The following RYR2 variants were observed in gnomAD, a reference collection of about 807,000 sequenced individuals.
The protein encoded by RYR2 is ryanodine receptor 2.
Under a neutral mutation model 601.1 loss-of-function variants are expected in RYR2, and 227 were observed. That is an observed-to-expected ratio of 0.38 (90% CI 0.34 to 0.42). RYR2 has a LOEUF of 0.42. Among genes scored for constraint, RYR2 ranks in the 10% least tolerant of loss-of-function variants. The pLI is 1.00. For synonymous variants in RYR2, 2,223 were observed against 2,175.1 expected, an observed-to-expected ratio of 1.02 and a Z score of -0.61; for missense variants, 4,646 against 6,156.5, an observed-to-expected ratio of 0.75 and a Z score of 8.21.
chr1:237,674,311 T>G, intron 59 of RYR2, 92 bp downstream of exon 59: 1 of 1,010,688 alleles, frequency 9.9e-7, no homozygotes, highest in Non-Finnish European at 1.5e-6. Context: ...ATGAATTCAA[T>G]GATCTGTTTA....
At chr1:237,047,264 A>G (rs1400020771) in intron 1 of RYR2, among the ~76,000 whole-genome samples, 1 of 152,146 alleles carries the variant, frequency 6.6e-6, no homozygotes. Context: ...TCTGTCTCCA[A>G]ATCTGTCCTC....
chr1:237,349,393 C>T (rs542367439), intron 3 of RYR2, among the ~76,000 whole-genome samples: 9 of 152,012 alleles, frequency 5.9e-5, no homozygotes, highest in African/African-American at 1.2e-4. Context: ...CATTTCCAGA[C>T]GCATACAAAT....
intron 1 of RYR2, among the ~76,000 whole-genome samples, chr1:237,044,438 G>T (rs1274166253): frequency 6.6e-6 from 1 of 152,132 alleles, no homozygotes; most frequent in Non-Finnish European, 1.5e-5. Flanking sequence ...GAACGTGCTG[G>T]CTGATGAGGT....
At chr1:237,403,887 A>G (rs1449856638) in intron 10 of RYR2, among the ~76,000 whole-genome samples, 1 of 152,252 alleles carries the variant, frequency 6.6e-6, no homozygotes, top group African/African-American at 2.4e-5. Context: ...TACGAGAGTT[A>G]AATCAGAGGA....
chr1:237,706,998 T>C lies in RYR2; in HGVS notation c.9630T>C (p.Ser3210=). ...NVEDVCPNIP[S]LEKLMEEIVE... ...AAGATGTTTGTCCAAACATACCGTC[T>C]TTGGAGAAACTCATGGAAGAAATCG... is the stretch of plus-strand genomic sequence containing the variant. The change falls in exon 68 of 105, where the codon TCT becomes TCC. Residue 3210 remains serine (S), a synonymous_variant. Coordinates refer to ENST00000366574, the MANE Select transcript of RYR2 (RefSeq NM_001035.3). 6.2e-7 allele frequency: 1 copy of C among 1,613,972 alleles called. No individual in the cohort carries two copies. Among genetic ancestry groups the C allele is most frequent in the Admixed American group, 1.7e-5 (1 of 60,020 alleles).
rs896558088 is a variant in RYR2 at position 237,180,893 on chromosome 1, CA to C, written c.49-89602del. ...AATATATTTGATTATATAATTATAA[CA>C]ATAAATATATAACTAATAATATACT... On this transcript the variant is annotated intron_variant, in intron 1 of 104. Transcript: ENST00000366574. The surrounding 1 kb of genome is among the most constrained non-coding windows in gnomAD (Gnocchi z 5.3). Among the ~76,000 whole-genome samples the C allele has an allele frequency of 3.0e-4, 45 of 148,346 alleles. No individual in the cohort carries two copies. Among genetic ancestry groups the C allele is most frequent in the African/African-American group, 1.1e-3 (43 of 40,772 alleles).
intron 101 of RYR2, among the ~76,000 whole-genome samples, chr1:237,820,405 C>G (rs1449171909): frequency 6.6e-6 from 1 of 152,062 alleles, no homozygotes; most frequent in Non-Finnish European, 1.5e-5. Context: ...TCATCTCACC[C>G]AGGAAGCACA....
chr1:237,649,855 C>T, intron 49 of RYR2, 22 bp from the exon 50 acceptor site: 1 of 1,608,360 alleles, frequency 6.2e-7, no homozygotes, highest in Middle Eastern at 1.9e-4. Flanking sequence ...AAATGGCCTT[C>T]TACTCTCTGA....
At chr1:237,721,229 A>G (rs990841117) in intron 73 of RYR2, among the ~76,000 whole-genome samples, 2 of 152,074 alleles carry the variant, frequency 1.3e-5, no homozygotes, top group African/African-American at 4.8e-5. Context: ...ACAGATTAAA[A>G]CCTGTAAGTA....
chr1:237,741,083 A>G (rs567026801), intron 79 of RYR2, among the ~76,000 whole-genome samples: 1 of 152,262 alleles, frequency 6.6e-6, no homozygotes, highest in East Asian at 1.9e-4. Flanking sequence ...AGTTTAACAT[A>G]TTACCCAGAC....
rs1371322770 is a variant in RYR2, at chr1:237,511,758, A to G, written c.2789A>G (p.Asn930Ser). 5 of 1,547,128 alleles carry G rather than the reference A, an allele frequency of 3.2e-6. No individual in the cohort carries two copies. The highest frequency in any genetic ancestry group is 4.4e-6 in the Non-Finnish European group (5 of 1,139,948). The change falls in exon 24 of 105, where the codon AAT becomes AGT. Residue 930 changes from asparagine (N) to serine (S), a missense_variant. By Grantham distance (46) the Asn-to-Ser change is conservative. Around this residue, in one of 17 missense-constraint regions of RYR2, gnomAD observed 1,807 missense variants for 2,088.1 expected, o/e 0.87. Transcript: ENST00000366574. ...TCCAAGCTGCCTGAACAGGAGCGCA[A>G]TTACAACTTACAAATGTCGCTTGAG... ...EFSKLPEQER[N>S]YNLQMSLETL...
chr1:237,435,725 C>T (rs914520769), intron 12 of RYR2, among the ~76,000 whole-genome samples: 3 of 152,034 alleles, frequency 2.0e-5, no homozygotes, highest in African/African-American at 7.2e-5. Context: ...AAGTGGTTGT[C>T]TCAGGAAAAA....
chr1:237,698,221 T>A (rs1463189997), intron 63 of RYR2, among the ~76,000 whole-genome samples: 6 of 151,960 alleles, frequency 3.9e-5, no homozygotes, highest in Non-Finnish European at 8.8e-5. Context: ...AATTCATCAT[T>A]TTATTTGCTT....
chr1:237,812,503 G>A (rs1405156475), intron 100 of RYR2, among the ~76,000 whole-genome samples: 1 of 152,174 alleles, frequency 6.6e-6, no homozygotes, highest in East Asian at 1.9e-4. Context: ...TACAAAAATA[G>A]TGGATTCAAC....
At chr1:237,643,624 T>G (rs1296664289) in intron 48 of RYR2, among the ~76,000 whole-genome samples, 177 bp downstream of exon 48, 1 of 151,664 alleles carries the variant, frequency 6.6e-6, no homozygotes, top group Admixed American at 6.6e-5. Context: ...TTTTCCTTTT[T>G]TTTTTTGAAT....
chr1:237,301,169 A>C (rs944283017), intron 2 of RYR2, among the ~76,000 whole-genome samples: 3 of 152,138 alleles, frequency 2.0e-5, no homozygotes, highest in African/African-American at 7.2e-5. Context: ...GACTTTAAAA[A>C]CCACAATCTC....
chr1:237,581,765 G>A (rs932798037), intron 29 of RYR2, among the ~76,000 whole-genome samples: 1 of 152,190 alleles, frequency 6.6e-6, no homozygotes, highest in African/African-American at 2.4e-5. Context: ...AGCATCCTCT[G>A]TGCAACCTGC....
intron 1 of RYR2, among the ~76,000 whole-genome samples, chr1:237,228,420 G>C (rs1303392785): frequency 6.6e-6 from 1 of 151,998 alleles, no homozygotes; most frequent in Non-Finnish European, 1.5e-5. Flanking sequence ...ATTTTGAATT[G>C]TGCTGCTATT....
intron 29 of RYR2, among the ~76,000 whole-genome samples, chr1:237,580,268 G>A (rs1673760713): frequency 1.4e-5 from 2 of 146,964 alleles, no homozygotes; most frequent in Admixed American, 1.4e-4. Context: ...GGATTCTCCT[G>A]CTTCAACCTC....
Sources: gnomAD v4.1 joint callset for allele counts (sites outside exome capture counted in the v4.1 genomes callset) on GRCh38, gnomAD v4.1.1 for gene constraint, gnomAD v4.1.1 regional missense constraint, Gnocchi (gnomAD v3.1) non-coding constraint, MANE v1.5 for transcripts, NCBI Gene and HGNC (gene_info 2026-07-23, HGNC 2026-07-21) for gene names.